Variants in LEPR observed in about 807,000 individuals in gnomAD.
The protein encoded by LEPR is OB receptor.
In LEPR, 56 loss-of-function variants were observed where a neutral mutation model predicts 114.7. That is an observed-to-expected ratio of 0.49 (90% CI 0.39 to 0.61). LEPR has a LOEUF of 0.61. Ranked by LOEUF, LEPR falls within the 20% of genes least tolerant of loss-of-function variation. The pLI is 0.00. For missense variants in LEPR, 1,202 were observed against 1,352.9 expected (o/e 0.89, Z 1.75); for synonymous variants, 443 against 461.4 (o/e 0.96, Z 0.51).
At chr1:65,507,407 G>A (rs1648786433) in intron 2 of LEPR, among the ~76,000 whole-genome samples, 1 of 150,312 alleles carries the variant, frequency 6.7e-6, no homozygotes, top group Non-Finnish European at 1.5e-5. Context: ...CCAAATGACA[G>A]AGTTTTTTAA....
chr1:65,606,629 C>T (rs1452980747), intron 11 of LEPR, among the ~76,000 whole-genome samples: 1 of 151,968 alleles, frequency 6.6e-6, no homozygotes, highest in African/African-American at 2.4e-5. Context: ...CAAGCATATC[C>T]TTTCTGCAGA....
intron 2 of LEPR, among the ~76,000 whole-genome samples, chr1:65,537,462 C>CT (rs1000098917): frequency 3.3e-5 from 5 of 151,142 alleles, no homozygotes; most frequent in East Asian, 1.9e-4. Context: ...GTCTGCTTTT[C>CT]TTTTTTTTTC....
At chr1:65,454,898 TCC>T (rs1646845784) in intron 2 of LEPR, among the ~76,000 whole-genome samples, 2 of 152,226 alleles carry the variant, frequency 1.3e-5, no homozygotes, top group South Asian at 2.1e-4. Flanking sequence ...GGTTCCATTC[TCC>T]CCGTCACTTT....
At position 65,636,757 on chromosome 1, in the gene LEPR, A is replaced by C. The variant is rs1231351538; in HGVS notation, c.3240A>C (p.Leu1080Phe). 2 of 1,613,820 alleles carry C rather than the reference A, an allele frequency of 1.2e-6. No homozygotes were observed. Among genetic ancestry groups the C allele is most frequent in the Non-Finnish European group, 1.7e-6 (2 of 1,179,960 alleles). ...ENNDKKSIYY[L>F]GVTSIKKRES... is the part of the protein sequence containing the mutation. ...ATGATAAAAAGTCTATCTATTATTT[A>C]GGGGTCACCTCAATCAAAAAGAGAG... Residue 1080 changes from leucine (L) to phenylalanine (F), a missense_variant, in exon 20 of 20, where the codon TTA (leucine) becomes TTC (phenylalanine). Transcript: ENST00000349533.
intron 2 of LEPR, among the ~76,000 whole-genome samples, chr1:65,532,601 A>G (rs192859400): frequency 1.9e-4 from 29 of 152,344 alleles, no homozygotes; most frequent in Non-Finnish European, 2.6e-4. Flanking sequence ...TACACTGATG[A>G]ATGGATAAAC....
rs1340879508 is a variant in LEPR at position 65,601,838 on chromosome 1, A to G, written c.1286-5A>G. The G allele has an allele frequency of 5.0e-6, 8 of 1,610,944 alleles. No individual in the cohort carries two copies. The African/African-American group carries it at 8.0e-5, about 16-fold the overall frequency. ...TATATTAATATTTTAATATGTTTCA[A>G]ATAGATGTCAATATCAATATCTCAT... On this transcript the variant is annotated splice_polypyrimidine_tract_variant and splice_region_variant and intron_variant, in intron 9 of 19. Transcript: ENST00000349533.
intron 2 of LEPR, chr1:65,433,029 G>C: frequency 2.0e-6 from 2 of 985,344 alleles, no homozygotes; most frequent in Non-Finnish European, 2.4e-6. Context: ...ACAATGCTGG[G>C]GGAAGAGCTC....
At chr1:65,468,348 A>G (rs947744529) in intron 2 of LEPR, among the ~76,000 whole-genome samples, 1 of 152,222 alleles carries the variant, frequency 6.6e-6, no homozygotes, top group Non-Finnish European at 1.5e-5. Context: ...ATATTCATGT[A>G]TTAGAATTGG....
At chr1:65,605,499 T>G (rs1197249668) in intron 11 of LEPR, among the ~76,000 whole-genome samples, 2 of 152,196 alleles carry the variant, frequency 1.3e-5, no homozygotes, top group Admixed American at 6.5e-5. Flanking sequence ...TCATTATGAA[T>G]GAATTTTAGT....
chr1:65,540,411 C>T (rs1651108621), intron 2 of LEPR, among the ~76,000 whole-genome samples: 1 of 152,098 alleles, frequency 6.6e-6, no homozygotes, highest in African/African-American at 2.4e-5. Flanking sequence ...GCTTGGTGCC[C>T]TCCCTGTGGT....
chr1:65,523,903 A>G (rs1649770573), intron 2 of LEPR, among the ~76,000 whole-genome samples: 1 of 152,222 alleles, frequency 6.6e-6, no homozygotes, highest in Admixed American at 6.5e-5. Flanking sequence ...CCCTAAATCC[A>G]AAGACAAATG....
At chr1:65,481,326 T>A (rs1647230596) in intron 2 of LEPR, among the ~76,000 whole-genome samples, 1 of 152,114 alleles carries the variant, frequency 6.6e-6, no homozygotes, top group Admixed American at 6.5e-5. Context: ...ATTCAGCCCA[T>A]AACAGTCTAG....
intron 2 of LEPR, among the ~76,000 whole-genome samples, chr1:65,472,440 A>ACACACACACACG (rs1647096853): frequency 7.2e-6 from 1 of 139,834 alleles, no homozygotes; most frequent in Non-Finnish European, 1.5e-5. Flanking sequence ...ACACACACAC[A>ACACACACACACG]CACACGTGTG....
intron 19 of LEPR, among the ~76,000 whole-genome samples, chr1:65,631,498 G>A (rs1892535): frequency 0.22 from 32,222 of 147,946 alleles, 4,588 homozygotes; most frequent in East Asian, 0.78. Context: ...CTATCTTTTA[G>A]CAATGAATGA....
At chr1:65,613,008 T>C (rs1009062197) in intron 14 of LEPR, among the ~76,000 whole-genome samples, 1 of 152,192 alleles carries the variant, frequency 6.6e-6, no homozygotes, top group South Asian at 2.1e-4. Context: ...GTCCCCATGC[T>C]TAAGGAGTAG....
In LEPR at chr1:65,636,820, G is replaced by C. The variant is rs755626079; in HGVS notation, c.3303G>C (p.Ser1101=). 2 of 1,613,708 alleles carry C rather than the reference G, an allele frequency of 1.2e-6. No individual in the cohort carries two copies. The highest frequency in any genetic ancestry group is 2.7e-5 in the African/African-American group (2 of 74,910). ...GVLLTDKSRV[S]CPFPAPCLFT... is the part of the protein sequence containing the mutation. ...TTTTGACTGACAAGTCAAGGGTATC[G>C]TGCCCATTCCCAGCCCCCTGTTTAT... The change falls in exon 20 of 20, where the codon TCG becomes TCC. Residue 1101 remains serine, a synonymous_variant. Transcript: ENST00000349533.
chr1:65,519,875 TG>T (rs1247974761), intron 2 of LEPR, among the ~76,000 whole-genome samples: 2 of 152,048 alleles, frequency 1.3e-5, no homozygotes, highest in Admixed American at 1.3e-4. Context: ...GTTTTGTTTT[TG>T]TTTTTTGAGA....
At chr1:65,506,912 C>G (rs7516840) in intron 2 of LEPR, among the ~76,000 whole-genome samples, 101,532 of 151,938 alleles carry the variant, frequency 0.67, 34,949 homozygotes, top group Middle Eastern at 0.86. Flanking sequence ...TTCGTATCAG[C>G]TGAACAATAT....
intron 15 of LEPR, 31 bp downstream of exon 15, chr1:65,616,255 G>C: frequency 1.2e-6 from 2 of 1,601,998 alleles, no homozygotes; most frequent in South Asian, 2.2e-5. Context: ...GTAATCCATT[G>C]CCTCTTTTAA....
Sources: gnomAD v4.1 joint callset for allele counts (sites outside exome capture counted in the v4.1 genomes callset) on GRCh38, gnomAD v4.1.1 for gene constraint, MANE v1.5 for transcripts, NCBI Gene and HGNC (gene_info 2026-07-23, HGNC 2026-07-21) for gene names.